The following PCDHGA2 variants were observed in gnomAD, a reference collection of about 807,000 sequenced individuals.
PCDHGA2 encodes protocadherin gamma subfamily A, 2.
A neutral mutation model predicts 59.2 loss-of-function variants in PCDHGA2; 40 were observed. The observed-to-expected ratio is 0.68, with a 90% CI of 0.52 to 0.88. PCDHGA2 has a LOEUF of 0.88. PCDHGA2 is among the 40% of genes least tolerant of loss of function. The probability of loss-of-function intolerance (pLI) is 0.00; values close to 1 mark genes in which losing one functional copy is unlikely to be tolerated. For missense variants in PCDHGA2, 1,226 were observed against 1,204.0 expected (o/e 1.02, Z -0.27); for synonymous variants, 560 against 526.0 (o/e 1.06, Z -0.89).
chr5:141,362,073 G>A (rs1762314491), intron 1 of PCDHGA2: 2 of 1,612,872 alleles, frequency 1.2e-6, no homozygotes, highest in Non-Finnish European at 8.5e-7. Context: ...TGGTCGCTGT[G>A]CGTGATGGAG....
intron 1 of PCDHGA2, among the ~76,000 whole-genome samples, chr5:141,381,826 C>CTTCTTTT (rs1777532522): frequency 2.4e-4 from 18 of 74,296 alleles, no homozygotes; most frequent in Admixed American, 1.2e-3. Context: ...CTTTCTTCTT[C>CTTCTTTT]TTTTTTTTTT....
At chr5:141,351,637 G>A in intron 1 of PCDHGA2, 1 of 1,614,028 alleles carries the variant, frequency 6.2e-7, no homozygotes, top group Non-Finnish European at 8.5e-7. Context: ...ACGTGTCTGA[G>A]AACAACCCAC....
At position 141,431,110 on chromosome 5, in the gene PCDHGA2, T is replaced by G; in HGVS notation, c.2425-63697T>G. 1.2e-6 allele frequency: 2 copies of G among 1,614,168 alleles called. No individual in the cohort carries two copies. The highest frequency in any genetic ancestry group is 1.7e-6 in the Non-Finnish European group (2 of 1,180,012). On this transcript the variant is annotated intron_variant, in intron 1 of 3. Transcript: ENST00000394576. This position sits in a 1 kb window ranked among gnomAD's most constrained non-coding sequence, Gnocchi z 4.8. Reference sequence around the variant, plus strand: ...TGATGGAGGATAAAGTGAAAATATATGGAGTAGAAGTAGAAGTAAGGGACA... The same window carrying G: ...TGATGGAGGATAAAGTGAAAATATAGGGAGTAGAAGTAGAAGTAAGGGACA...
chr5:141,428,052 G>A (rs750852525), intron 1 of PCDHGA2: 6 of 1,608,992 alleles, frequency 3.7e-6, no homozygotes, highest in East Asian at 4.5e-5. Context: ...GACCAAGGTG[G>A]TGGCGGTGGA....
At chr5:141,349,698 T>C (rs1327837035) in intron 1 of PCDHGA2, among the ~76,000 whole-genome samples, 1 of 152,178 alleles carries the variant, frequency 6.6e-6, no homozygotes, top group African/African-American at 2.4e-5. Context: ...GTAGGTATTT[T>C]AGTCAACTAA....
intron 1 of PCDHGA2, chr5:141,383,949 G>T (rs538018556): frequency 4.3e-6 from 7 of 1,613,584 alleles, no homozygotes; most frequent in Non-Finnish European, 5.9e-6. Context: ...TGACTATGAC[G>T]TCTTTAAGTA....
rs2099629299 is a variant in PCDHGA2, at chr5:141,486,426, A to G, written c.2425-8381A>G. ...GCTGGACCCTTGGATCGAGAGGCCA[A>G]ATCTAGCTATGACATCATGGTCACT... On this transcript the variant is annotated intron_variant, in intron 1 of 3. Transcript: ENST00000394576. The surrounding 1 kb of genome is among the most constrained non-coding windows in gnomAD (Gnocchi z 5.0). 1.9e-6 allele frequency: 3 copies of G among 1,614,190 alleles called. No individual in the cohort carries two copies. Among genetic ancestry groups the G allele is most frequent in the Non-Finnish European group, 2.5e-6 (3 of 1,180,026 alleles).
chr5:141,404,517 A>G lies in PCDHGA2; in HGVS notation c.2424+63122A>G, dbSNP rs1268035794. On this transcript the variant is annotated intron_variant, in intron 1 of 3. Transcript: ENST00000394576. The stretch of plus-strand genomic sequence containing the variant: ...CTGTATGCTCTGTGCTCCTTTGACT[A>G]TGAGCAGTTTAGAGATTTGCAAATG... 5 of 1,613,938 alleles carry G rather than the reference A, an allele frequency of 3.1e-6. No homozygotes were observed. Among genetic ancestry groups the G allele is most frequent in the Non-Finnish European group, 3.4e-6 (4 of 1,179,844 alleles).
chr5:141,355,198 G>A (rs748031143), intron 1 of PCDHGA2: 2 of 1,596,582 alleles, frequency 1.3e-6, no homozygotes, highest in East Asian at 2.2e-5. Flanking sequence ...CGGCGGGGTT[G>A]TAATGGCGGC....
At chr5:141,364,952 C>G in intron 1 of PCDHGA2, 1 of 1,613,948 alleles carries the variant, frequency 6.2e-7, no homozygotes, top group Non-Finnish European at 8.5e-7. Context: ...AGAGACTGTT[C>G]ACGACCTCCT....
intron 1 of PCDHGA2, chr5:141,400,271 C>G: frequency 1.2e-6 from 2 of 1,614,094 alleles, no homozygotes; most frequent in Non-Finnish European, 1.7e-6. Flanking sequence ...CGACGCTCCT[C>G]CAGCCCTGCC....
chr5:141,487,123 T>C lies in PCDHGA2; in HGVS notation c.2425-7684T>C. 6.2e-7 allele frequency: 1 copy of C among 1,614,086 alleles called. No homozygotes were observed. The highest frequency in any genetic ancestry group is 1.1e-5 in the South Asian group (1 of 91,082). On this transcript the variant is annotated intron_variant, in intron 1 of 3. Coordinates refer to ENST00000394576, the MANE Select transcript of PCDHGA2 (RefSeq NM_018915.4). The surrounding 1 kb of genome is among the most constrained non-coding windows in gnomAD (Gnocchi z 5.0). ...AGCTGGTCATTGTGGTAAAGGATAG[T>C]GGTAGTCCACCACTCTCTACCTCTG...
chr5:141,345,384 A>C (rs1757563479), intron 1 of PCDHGA2: 2 of 1,613,766 alleles, frequency 1.2e-6, no homozygotes, highest in Admixed American at 1.7e-5. Flanking sequence ...CAACCCACCC[A>C]CCTTCCCTCA....
rs1040028231 is a variant in PCDHGA2, at chr5:141,485,542, C to T, written c.2425-9265C>T. 6.8e-6 allele frequency: 11 copies of T among 1,613,900 alleles called. No individual in the cohort carries two copies. Among genetic ancestry groups the T allele is most frequent in the Admixed American group, 6.7e-5 (4 of 59,996 alleles). On this transcript the variant is annotated intron_variant, in intron 1 of 3. Coordinates refer to ENST00000394576, the MANE Select transcript of PCDHGA2 (RefSeq NM_018915.4). The surrounding 1 kb of genome is among the most constrained non-coding windows in gnomAD (Gnocchi z 5.7). ...AAATGTACCGAGCAGAGGTAGAGAT[C>T]GTAGATGTGAATGATCACGCCCCCC...
intron 1 of PCDHGA2, chr5:141,424,465 A>G (rs564844819): frequency 1.3e-5 from 2 of 152,146 alleles, no homozygotes; most frequent in Admixed American, 6.5e-5. Context: ...ATTTCCTTTT[A>G]TTCTTTTACT....
intron 1 of PCDHGA2, chr5:141,413,323 G>A (rs1221252167): frequency 2.5e-6 from 4 of 1,613,840 alleles, no homozygotes; most frequent in Non-Finnish European, 3.4e-6. Flanking sequence ...CTCTTTCGTG[G>A]GCAACATCTC....
At chr5:141,421,300 C>A (rs377161386) in intron 1 of PCDHGA2, 2 of 1,613,320 alleles carry the variant, frequency 1.2e-6, no homozygotes, top group African/African-American at 1.3e-5. Context: ...GGGGACGCTG[C>A]GGGGGTTCCG....
At chr5:141,449,252 T>C (rs1401555556) in intron 1 of PCDHGA2, among the ~76,000 whole-genome samples, 1 of 152,144 alleles carries the variant, frequency 6.6e-6, no homozygotes, top group Non-Finnish European at 1.5e-5. Flanking sequence ...GTTGCAAGAA[T>C]TGTACAAAGA....
At chr5:141,395,126 C>G (rs1416844764) in intron 1 of PCDHGA2, 1 of 1,614,078 alleles carries the variant, frequency 6.2e-7, no homozygotes, top group East Asian at 2.2e-5. Flanking sequence ...TGATCTTTCC[C>G]CAGCCCAACT....
Sources: allele counts gnomAD v4.1 joint callset (sites outside exome capture counted in the v4.1 genomes callset), GRCh38; gene constraint gnomAD v4.1.1; non-coding constraint Gnocchi (gnomAD v3.1); transcripts MANE v1.5; gene names NCBI Gene and HGNC (gene_info 2026-07-23, HGNC 2026-07-21).